RIMBP2: variants seen among roughly 807,000 people sequenced by gnomAD.
RIMBP2 encodes RIMS-binding protein 2.
Under a neutral mutation model 118.6 loss-of-function variants are expected in RIMBP2, and 48 were observed. The ratio of observed to expected loss-of-function variants is 0.40; its 90% confidence interval spans 0.32 to 0.51. RIMBP2 has a LOEUF of 0.51. RIMBP2 is among the 20% of genes least tolerant of loss of function. RIMBP2 has a pLI of 0.41. For missense variants in RIMBP2, 1,551 were observed against 1,768.3 expected, an observed-to-expected ratio of 0.88 and a Z score of 2.20; for synonymous variants, 762 against 742.9, an observed-to-expected ratio of 1.03 and a Z score of -0.42.
chr12:130,644,359 G>A (rs1247417533), intron 1 of RIMBP2, among the ~76,000 whole-genome samples: 2 of 152,180 alleles, frequency 1.3e-5, no homozygotes, highest in Non-Finnish European at 2.9e-5. Flanking sequence ...GCAGACACGT[G>A]TCACCTTGGT....
chr12:130,428,593 C>G (rs930037509), intron 14 of RIMBP2: 14 of 350,552 alleles, frequency 4.0e-5, no homozygotes, highest in African/African-American at 2.3e-4. Context: ...CACCTGAGCT[C>G]TGGACAAGAT....
intron 10 of RIMBP2, among the ~76,000 whole-genome samples, chr12:130,443,248 A>G (rs992814212): frequency 6.9e-6 from 1 of 143,960 alleles, no homozygotes; most frequent in African/African-American, 2.5e-5. Context: ...TTGTGTGGCA[A>G]AAAAAAAAAA....
chr12:130,591,574 C>T (rs934759313), intron 2 of RIMBP2, among the ~76,000 whole-genome samples: 13 of 142,582 alleles, frequency 9.1e-5, no homozygotes, highest in African/African-American at 2.5e-4. Context: ...TGAGAGGCTC[C>T]GGGGAGGGGC....
At chr12:130,643,483 C>T (rs980884891) in intron 1 of RIMBP2, among the ~76,000 whole-genome samples, 1 of 152,060 alleles carries the variant, frequency 6.6e-6, no homozygotes, top group African/African-American at 2.4e-5. Context: ...CCCCATGGGA[C>T]TGGGGACAGG....
intron 4 of RIMBP2, among the ~76,000 whole-genome samples, chr12:130,487,852 G>A (rs1312933095): frequency 1.3e-5 from 2 of 151,956 alleles, no homozygotes; most frequent in Admixed American, 6.6e-5. Context: ...GAGGCCTCTC[G>A]CCTAAAACAT....
intron 11 of RIMBP2, among the ~76,000 whole-genome samples, chr12:130,438,895 G>A (rs1464968163): frequency 6.6e-6 from 1 of 152,108 alleles, no homozygotes; most frequent in Admixed American, 6.5e-5. Context: ...TCAGAGAGGG[G>A]CCAACGAGAC....
rs1171293233 is a variant in RIMBP2 at position 130,664,407 on chromosome 12, G to GCACACA, written c.-351-35952_-351-35951insTGTGTG. ...CGCGCATGCACACACACGCACGCAC[G>GCACACA]CACGCACACACACGCACACACATGC... is the stretch of plus-strand genomic sequence containing the variant. On this transcript the variant is annotated intron_variant, in intron 1 of 22. Transcript: ENST00000690449. Among the ~76,000 whole-genome samples the GCACACA allele has an allele frequency of 3.1e-3, 267 of 86,118 alleles. 11 individuals carry two copies. Among genetic ancestry groups the GCACACA allele is most frequent in the African/African-American group, 0.01 (252 of 25,176 alleles). 56.5% of individuals were successfully genotyped at this position (86,118 alleles called of 152,430 possible). A position where few individuals can be genotyped will look rare whatever the true frequency, so the allele number is the denominator to read the frequency against.
At chr12:130,518,425 T>C (rs1177671329) in intron 2 of RIMBP2, among the ~76,000 whole-genome samples, 1 of 152,112 alleles carries the variant, frequency 6.6e-6, no homozygotes, top group Non-Finnish European at 1.5e-5. Context: ...CAGGGAGAAT[T>C]AAGAGTCCAG....
intron 1 of RIMBP2, among the ~76,000 whole-genome samples, chr12:130,665,443 C>T (rs1420129876): frequency 5.3e-5 from 8 of 151,328 alleles, no homozygotes; most frequent in Admixed American, 2.6e-4. Flanking sequence ...GAGAATCACT[C>T]GAACCCGGGA....
intron 1 of RIMBP2, chr12:130,669,012 G>A (rs979662766): frequency 1.3e-5 from 2 of 152,308 alleles, no homozygotes; most frequent in African/African-American, 4.8e-5. Context: ...ATAACACGTG[G>A]AGGTGTGCGC....
At chr12:130,441,401 A>AAATAATAATCAT (rs2078110638) in intron 11 of RIMBP2, among the ~76,000 whole-genome samples, 1 of 122,902 alleles carries the variant, frequency 8.1e-6, no homozygotes, top group Non-Finnish European at 1.7e-5. Flanking sequence ...ACTCCATCTC[A>AAATAATAATCAT]AATAATAATA....
intron 1 of RIMBP2, among the ~76,000 whole-genome samples, chr12:130,648,753 T>C (rs977838847): frequency 1.4e-5 from 2 of 140,918 alleles, no homozygotes; most frequent in Non-Finnish European, 3.2e-5. Flanking sequence ...GCCTCCCGGG[T>C]TCAAGCGATT....
At position 130,525,046 on chromosome 12, in the gene RIMBP2, A is replaced by C. The variant is rs1017135725; in HGVS notation, c.-216-7129T>G. Among the ~76,000 whole-genome samples, 3 of 152,196 alleles carry C rather than the reference A, an allele frequency of 2.0e-5. No homozygotes were observed. The highest frequency in any genetic ancestry group is 4.4e-5 in the Non-Finnish European group (3 of 68,032). On this transcript the variant is annotated intron_variant, in intron 2 of 22. Coordinates refer to ENST00000690449, the MANE Select transcript of RIMBP2 (RefSeq NM_001393629.1). This position sits in a 1 kb window ranked among gnomAD's most constrained non-coding sequence, Gnocchi z 4.4. ...GAAGGAGAGCCTGACCCAGACCCAG[A>C]TGTGAAAGTTGCACTGATACCGACA...
intron 2 of RIMBP2, among the ~76,000 whole-genome samples, chr12:130,600,712 A>G (rs2059826293): frequency 6.6e-6 from 1 of 152,154 alleles, no homozygotes; most frequent in Non-Finnish European, 1.5e-5. Context: ...AAAACATTCC[A>G]AGCTTGTGAT....
At chr12:130,481,208 A>AGGTGGTGAGG (rs1209030060) in intron 4 of RIMBP2, among the ~76,000 whole-genome samples, 122 of 151,710 alleles carry the variant, frequency 8.0e-4, no homozygotes, top group Admixed American at 1.2e-3. Context: ...AGGAGGAGGC[A>AGGTGGTGAGG]GACAGGCTGA....
intron 1 of RIMBP2, among the ~76,000 whole-genome samples, chr12:130,641,241 T>C (rs551169001): frequency 1.1e-3 from 165 of 151,676 alleles, no homozygotes; most frequent in Non-Finnish European, 1.9e-3. Context: ...TCGTGAGCCC[T>C]GACCGCACTG....
At chr12:130,611,814 T>C (rs980077293) in intron 2 of RIMBP2, among the ~76,000 whole-genome samples, 3 of 152,108 alleles carry the variant, frequency 2.0e-5, no homozygotes, top group Non-Finnish European at 4.4e-5. Flanking sequence ...ATGAAACCCA[T>C]GTAACTGCCT....
rs556230935 is a variant in RIMBP2 at position 130,650,017 on chromosome 12, TTGTTGAAGCTGAAAA to T, written c.-351-21576_-351-21562del. Among the ~76,000 whole-genome samples the T allele has an allele frequency of 8.2e-3, 1,237 of 151,240 alleles. 5 individuals carry two copies. Among genetic ancestry groups the T allele is most frequent in the Non-Finnish European group, 0.014 (951 of 67,784 alleles). ...AGAGATGAGGGAGGTGCAGAGTATA[TTGTTGAAGCTGAAAA>T]AAAAAAACCAAACCTGAGGACCTGC... On this transcript the variant is annotated intron_variant, in intron 1 of 22. Transcript: ENST00000690449.
intron 2 of RIMBP2, among the ~76,000 whole-genome samples, chr12:130,542,508 A>G (rs1489017093): frequency 1.3e-5 from 2 of 152,246 alleles, no homozygotes; most frequent in African/African-American, 4.8e-5. Context: ...GAAAAAAGAA[A>G]CAGCCAATCA....
Sources: gnomAD v4.1 joint callset for allele counts (sites outside exome capture counted in the v4.1 genomes callset) on GRCh38, gnomAD v4.1.1 for gene constraint, Gnocchi (gnomAD v3.1) non-coding constraint, MANE v1.5 for transcripts, NCBI Gene and HGNC (gene_info 2026-07-23, HGNC 2026-07-21) for gene names.